PSD3: variants seen among roughly 807,000 people sequenced by gnomAD.
PSD3 encodes the protein pleckstrin and Sec7 domain containing 3.
A neutral mutation model predicts 105.5 loss-of-function variants in PSD3; 49 were observed. The ratio of observed to expected loss-of-function variants is 0.46; its 90% confidence interval spans 0.37 to 0.59. The LOEUF is 0.59. Among genes scored for constraint, PSD3 ranks in the 20% least tolerant of loss-of-function variants. The pLI is 0.00. For missense variants in PSD3, 1,561 were observed against 1,263.8 expected (o/e 1.24, Z -3.57); for synonymous variants, 557 against 457.8 (o/e 1.22, Z -2.77).
At chr8:18,694,670 T>C (rs1366671872) in intron 9 of PSD3, among the ~76,000 whole-genome samples, 1 of 151,430 alleles carries the variant, frequency 6.6e-6, no homozygotes, top group Non-Finnish European at 1.5e-5. Context: ...ACTTCTTAAA[T>C]AATAAATTAA....
intron 12 of PSD3, among the ~76,000 whole-genome samples, chr8:18,580,694 T>C (rs1030177798): frequency 1.1e-4 from 17 of 152,274 alleles, no homozygotes; most frequent in African/African-American, 3.6e-4. Context: ...TGATCTGTGA[T>C]AGTAAATGTA....
intron 9 of PSD3, 138 bp from the exon 10 acceptor site, chr8:18,655,823 TGAA>T: frequency 1.4e-6 from 1 of 733,566 alleles, no homozygotes; most frequent in Non-Finnish European, 2.3e-6. Flanking sequence ...TTTAGAAAGG[TGAA>T]GAATACATGG....
At chr8:18,658,007 G>A (rs1025710485) in intron 9 of PSD3, among the ~76,000 whole-genome samples, 1 of 152,134 alleles carries the variant, frequency 6.6e-6, no homozygotes, top group African/African-American at 2.4e-5. Context: ...AAGAGAAGTA[G>A]AATTGTAAAT....
chr8:18,886,550 GAAATAGATATATAAA>G (rs1216948868), intron 2 of PSD3, among the ~76,000 whole-genome samples: 5 of 152,130 alleles, frequency 3.3e-5, no homozygotes, highest in African/African-American at 1.2e-4. Flanking sequence ...GCATTTAAAA[GAAATAGATATATAAA>G]AATATATTTG....
intron 11 of PSD3, among the ~76,000 whole-genome samples, chr8:18,602,451 T>C (rs1804504708): frequency 6.6e-6 from 1 of 152,188 alleles, no homozygotes; most frequent in South Asian, 2.1e-4. Flanking sequence ...CACAGAAGTA[T>C]AAAACTTAAC....
chr8:18,688,139 T>C (rs2130981492), intron 9 of PSD3, among the ~76,000 whole-genome samples: 1 of 152,234 alleles, frequency 6.6e-6, no homozygotes, highest in Middle Eastern at 3.4e-3. Flanking sequence ...AGTGCAGTGA[T>C]GCCATAATAG....
intron 2 of PSD3, among the ~76,000 whole-genome samples, chr8:18,935,645 A>G (rs903044380): frequency 6.6e-6 from 1 of 151,414 alleles, no homozygotes; most frequent in African/African-American, 2.4e-5. Flanking sequence ...GCAGTAAGCT[A>G]GGATGATGCC....
intron 9 of PSD3, chr8:18,683,790 G>C: frequency 1.3e-6 from 1 of 765,252 alleles, no homozygotes; most frequent in Non-Finnish European, 2.4e-6. Flanking sequence ...CTCCTTAGCA[G>C]AAAACTCTGA....
At chr8:18,632,525 C>T (rs900150244) in intron 11 of PSD3, 88 bp downstream of exon 11, 3 of 1,401,900 alleles carry the variant, frequency 2.1e-6, no homozygotes, top group African/African-American at 2.9e-5. Context: ...ATAATTTTTT[C>T]ATCCTTGACT....
intron 10 of PSD3, among the ~76,000 whole-genome samples, chr8:18,635,579 G>C (rs900589117): frequency 2.6e-5 from 4 of 151,948 alleles, no homozygotes; most frequent in African/African-American, 9.7e-5. Flanking sequence ...CTTTCAGTAG[G>C]TGTTCCAAAA....
chr8:18,649,378 G>A (rs566273235), intron 10 of PSD3, among the ~76,000 whole-genome samples: 3 of 152,314 alleles, frequency 2.0e-5, no homozygotes, highest in Admixed American at 6.5e-5. Context: ...CTGTCCTGCC[G>A]GGGTTTCGGA....
At chr8:18,899,810 G>A (rs1819388026) in intron 2 of PSD3, among the ~76,000 whole-genome samples, 1 of 152,114 alleles carries the variant, frequency 6.6e-6, no homozygotes, top group African/African-American at 2.4e-5. Context: ...TGGTATCTGT[G>A]TTTATCTTTT....
At chr8:18,912,808 G>C (rs1218675609) in intron 2 of PSD3, among the ~76,000 whole-genome samples, 1 of 152,094 alleles carries the variant, frequency 6.6e-6, no homozygotes, top group East Asian at 1.9e-4. Context: ...GATGGCCACT[G>C]TATTAAATAT....
chr8:18,799,311 G>C lies in PSD3; in HGVS notation c.2066C>G (p.Thr689Ser). 1 of 1,607,288 alleles carries C rather than the reference G, an allele frequency of 6.2e-7. No individual in the cohort carries two copies. ...CLTCAIMLLN[T>S]DLHGHNIGKK... ...CACACTTACGTGGCCATGTAGATCGGTATTAAGAAGCATTATTGCACAGGT... is the reference window on the plus strand; with the variant it reads ...CACACTTACGTGGCCATGTAGATCGCTATTAAGAAGCATTATTGCACAGGT... The change falls in exon 8 of 16, where the codon ACC becomes AGC. Residue 689 changes from threonine (T) to serine (S), a missense_variant. Physicochemically the swap from Thr to Ser is moderately conservative, Grantham distance 58. Transcript: ENST00000327040.
chr8:18,730,514 C>A (rs929709137), intron 9 of PSD3, among the ~76,000 whole-genome samples: 1 of 152,172 alleles, frequency 6.6e-6, no homozygotes, highest in Admixed American at 6.5e-5. Flanking sequence ...GAAGTTGACC[C>A]TTAGTACCTC....
Position 18,577,133 on chromosome 8 carries a change from T to C in PSD3, c.2482-1848A>G, listed in dbSNP as rs9693147. ...GAGTATTTTTTCATTGCTTTCTAGA[T>C]AGTTTGTAGTTTTAATTTTTTATCT... On this transcript the variant is annotated intron_variant, in intron 12 of 15. Coordinates refer to ENST00000327040, the MANE Select transcript of PSD3 (RefSeq NM_015310.4). 4.5e-3 allele frequency among the ~76,000 whole-genome samples: 683 copies of C among 152,064 alleles called. 8 individuals are homozygous for C. Among genetic ancestry groups the C allele is most frequent in the African/African-American group, 0.016 (644 of 41,540 alleles).
At chr8:18,583,159 C>T (rs919253556) in intron 12 of PSD3, among the ~76,000 whole-genome samples, 12 of 152,248 alleles carry the variant, frequency 7.9e-5, no homozygotes, top group African/African-American at 2.9e-4. Context: ...AATATAAATG[C>T]TGTGCATGGT....
chr8:18,872,275 T>A lies in PSD3; in HGVS notation c.589A>T (p.Ile197Leu). 6.2e-7 allele frequency: 1 copy of A among 1,614,230 alleles called. No homozygotes were observed. The highest frequency in any genetic ancestry group is 2.2e-5 in the East Asian group (1 of 44,888). ...LPAGQKNLPE[I>L]PLSAEVTTEE... Reference sequence around the variant, plus strand: ...GTTGTTACTTCAGCTGAAAGAGGTATTTCTGGTAAATTTTTTTGGCCAGCA... The same window carrying A: ...GTTGTTACTTCAGCTGAAAGAGGTAATTCTGGTAAATTTTTTTGGCCAGCA... Residue 197 changes from isoleucine to leucine, a missense_variant, in exon 3 of 16, where the codon ATA becomes TTA. Transcript: ENST00000327040.
At chr8:18,996,836 AT>A in intron 1 of PSD3, among the ~76,000 whole-genome samples, 1 of 151,858 alleles carries the variant, frequency 6.6e-6, no homozygotes, top group Non-Finnish European at 1.5e-5. Context: ...CTACTACACT[AT>A]AATCCCAGTT....
Sources: allele counts gnomAD v4.1 joint callset (sites outside exome capture counted in the v4.1 genomes callset), GRCh38; gene constraint gnomAD v4.1.1; transcripts MANE v1.5; gene names NCBI Gene and HGNC (gene_info 2026-07-23, HGNC 2026-07-21).